The following ADIG variants were observed in gnomAD, a reference collection of about 807,000 sequenced individuals.
ADIG encodes adipogenin.
Under a neutral mutation model 10.7 loss-of-function variants are expected in ADIG, and 12 were observed. The ratio of observed to expected loss-of-function variants is 1.12; its 90% CI spans 0.72 to 1.82. The LOEUF is 1.82. Ranked by LOEUF, ADIG falls within the 40% of genes most tolerant of loss-of-function variation. The pLI, the probability that ADIG is intolerant of heterozygous loss-of-function variation, is 0.00. For missense variants in ADIG, 72 were observed against 92.5 expected, an observed-to-expected ratio of 0.78 and a Z score of 0.91; for synonymous variants, 32 against 35.6, an observed-to-expected ratio of 0.90 and a Z score of 0.36.
intron 2 of ADIG, among the ~76,000 whole-genome samples, chr20:38,586,440 C>T (rs1304675951): frequency 6.6e-6 from 1 of 152,178 alleles, no homozygotes; most frequent in Non-Finnish European, 1.5e-5. Context: ...TCCTGATGGT[C>T]TTTGGCCAGC....
At chr20:38,586,287 G>T (rs556023593) in intron 2 of ADIG, 126 bp downstream of exon 2, 7 of 716,172 alleles carry the variant, frequency 9.8e-6, no homozygotes, top group South Asian at 9.3e-5. Context: ...TGGATGACGG[G>T]TTCTCTCCAG....
In ADIG at chr20:38,582,226, G is replaced by A. The variant is rs183939300; in HGVS notation, c.124+852G>A. On this transcript the variant is annotated intron_variant, in intron 1 of 2. Coordinates refer to ENST00000537425, the MANE Select transcript of ADIG (RefSeq NM_001393816.1). ...GGAGTTTGAGACCAGGCTGGGCAAC[G>A]TCCCTACAAGGAATACAAAAATTAG... 3.4e-4 allele frequency among the ~76,000 whole-genome samples: 51 copies of A among 152,236 alleles called. 1 individual carries two copies. The East Asian group carries it at 8.3e-3, about 25-fold the overall frequency.
At chr20:38,586,232 A>G in intron 2 of ADIG, 71 bp downstream of exon 2, 1 of 1,273,806 alleles carries the variant, frequency 7.9e-7, no homozygotes, top group Non-Finnish European at 1.1e-6. Context: ...CTATGTGGGC[A>G]AGAGGCTGCC....
At chr20:38,588,072 C>T in intron 2 of ADIG, 29 bp from the exon 3 acceptor site, 1 of 1,278,562 alleles carries the variant, frequency 7.8e-7, no homozygotes, top group Non-Finnish European at 1.0e-6. Flanking sequence ...CAATGGCATC[C>T]CTAGTCCCAA....
intron 1 of ADIG, among the ~76,000 whole-genome samples, chr20:38,583,976 C>T (rs952922797): frequency 5.9e-5 from 9 of 152,086 alleles, no homozygotes; most frequent in Non-Finnish European, 1.2e-4. Flanking sequence ...GGTCAGGACA[C>T]CCAGACCTGC....
rs117227436 is a variant in ADIG, at chr20:38,581,890, C to T, written c.124+516C>T. On this transcript the variant is annotated intron_variant, in intron 1 of 2. Coordinates refer to ENST00000537425, the MANE Select transcript of ADIG (RefSeq NM_001393816.1). ...CCTGCAGACCACTCACTGTTTCTGC[C>T]TAAGCCATGTATCAGAAAGGATCTG... Among the ~76,000 whole-genome samples, 115 of 152,322 alleles carry T rather than the reference C, an allele frequency of 7.5e-4. 1 individual carries two copies. The East Asian group carries it at 0.017, about 23-fold the overall frequency.
chr20:38,584,255 C>A (rs2088614961), intron 1 of ADIG, among the ~76,000 whole-genome samples: 1 of 152,178 alleles, frequency 6.6e-6, no homozygotes, highest in African/African-American at 2.4e-5. Context: ...TGATAATGGG[C>A]AGCTCAACTC....
At chr20:38,584,912 G>A (rs529956884) in intron 1 of ADIG, among the ~76,000 whole-genome samples, 98 of 152,244 alleles carry the variant, frequency 6.4e-4, no homozygotes, top group Admixed American at 2.8e-3. Context: ...TGAGCAGCTG[G>A]GACTACAGGT....
At chr20:38,584,532 C>T (rs1178267357) in intron 1 of ADIG, among the ~76,000 whole-genome samples, 1 of 152,168 alleles carries the variant, frequency 6.6e-6, no homozygotes, top group Non-Finnish European at 1.5e-5. Context: ...CCTCTGAGTC[C>T]AAACACACCC....
chr20:38,581,396 G>C (rs1340439796), intron 1 of ADIG, 22 bp downstream of exon 1: 1 of 1,613,722 alleles, frequency 6.2e-7, no homozygotes. Flanking sequence ...ACCCCGTCCA[G>C]GCAGGACCCT....
At chr20:38,583,942 A>G (rs1378743172) in intron 1 of ADIG, among the ~76,000 whole-genome samples, 3 of 152,084 alleles carry the variant, frequency 2.0e-5, no homozygotes, top group Admixed American at 2.0e-4. Flanking sequence ...AACTGACCCA[A>G]TGTCAGGGTT....
In ADIG at chr20:38,586,109, A is replaced by T; in HGVS notation, c.205A>T (p.Thr69Ser). ...KGPAEFCWKGTLHGQEKERPC... is the reference protein window; with the variant it reads ...KGPAEFCWKGSLHGQEKERPC... ...CCCAGCTGAGTTTTGCTGGAAGGGGACACTCCACGGCCAAGAGAAGGAGAG... is the reference window on the plus strand; with the variant it reads ...CCCAGCTGAGTTTTGCTGGAAGGGGTCACTCCACGGCCAAGAGAAGGAGAG... The change falls in exon 2 of 3, where the codon ACA becomes TCA. Residue 69 changes from threonine to serine, a missense_variant. Coordinates refer to ENST00000537425, the MANE Select transcript of ADIG (RefSeq NM_001393816.1). 3 of 1,606,176 alleles carry T rather than the reference A, an allele frequency of 1.9e-6. No individual in the cohort carries two copies. Among genetic ancestry groups the T allele is most frequent in the Non-Finnish European group, 2.6e-6 (3 of 1,176,468 alleles).
intron 1 of ADIG, 127 bp downstream of exon 1, chr20:38,581,501 T>C: frequency 1.5e-6 from 2 of 1,363,262 alleles, no homozygotes; most frequent in Non-Finnish European, 2.0e-6. Context: ...CTCGCTTAGA[T>C]ACAAGCAGTC....
At chr20:38,583,570 G>T (rs2088607357) in intron 1 of ADIG, among the ~76,000 whole-genome samples, 2 of 152,252 alleles carry the variant, frequency 1.3e-5, no homozygotes, top group Non-Finnish European at 2.9e-5. Flanking sequence ...AAATAGTCCA[G>T]CCAATGCTGG....
In ADIG at chr20:38,588,412, A is replaced by G. The variant is rs1447775572; in HGVS notation, c.*326A>G. The G allele has an allele frequency of 3.3e-6, 4 of 1,227,816 alleles. No individual in the cohort carries two copies. The highest frequency in any genetic ancestry group is 3.2e-5 in the Admixed American group (1 of 31,720). The allele number at this position is 1,227,816 out of a possible 1,614,324, so 76.1% of individuals were successfully genotyped here. On this transcript the variant is annotated 3_prime_UTR_variant, in exon 3 of 3. Coordinates refer to ENST00000537425, the MANE Select transcript of ADIG (RefSeq NM_001393816.1). Reference sequence around the variant, plus strand: ...GGGCTGGGCCGGAGGGTGTGGGTCCATATTAAAGAAGCAAGGGTCTTCCCA... The same window carrying G: ...GGGCTGGGCCGGAGGGTGTGGGTCCGTATTAAAGAAGCAAGGGTCTTCCCA...
At position 38,586,015 on chromosome 20, in the gene ADIG, T is replaced by G. The variant is rs1267806698; in HGVS notation, c.125-14T>G. The G allele has an allele frequency of 6.3e-7, 1 of 1,591,162 alleles. No homozygotes were observed. The highest frequency in any genetic ancestry group is 1.8e-5 in the Admixed American group (1 of 56,492). ...ATGTGACCATCCAAGAGGCCTTGCC[T>G]CGTATCTCCACAGATTCAGAGGAAA... On this transcript the variant is annotated splice_polypyrimidine_tract_variant and intron_variant, in intron 1 of 2. Coordinates refer to ENST00000537425, the MANE Select transcript of ADIG (RefSeq NM_001393816.1).
chr20:38,588,230 C>A lies in ADIG; in HGVS notation c.*144C>A, dbSNP rs1346082877. On this transcript the variant is annotated 3_prime_UTR_variant, in exon 3 of 3. Coordinates refer to ENST00000537425, the MANE Select transcript of ADIG (RefSeq NM_001393816.1). ...ACCCCCAACTCATCTCCTCTTCAGA[C>A]CGACATGTGAAAGCCTCCAGAGGTC... The A allele has an allele frequency of 3.1e-6, 4 of 1,304,378 alleles. No homozygotes were observed. The highest frequency in any genetic ancestry group is 1.5e-5 in the African/African-American group (1 of 65,852). 80.8% of individuals were successfully genotyped at this position (1,304,378 alleles called of 1,614,324 possible). A position where few individuals can be genotyped will look rare whatever the true frequency, so the allele number is the denominator to read the frequency against.
intron 2 of ADIG, among the ~76,000 whole-genome samples, chr20:38,586,530 C>T (rs1263888925): frequency 6.6e-6 from 1 of 152,186 alleles, no homozygotes; most frequent in African/African-American, 2.4e-5. Flanking sequence ...CAGAGTCCCA[C>T]TGGCCACCCT....
chr20:38,586,082 G>C lies in ADIG; in HGVS notation c.178G>C (p.Gly60Arg). Reference sequence around the variant, plus strand: ...CTTGGATTGGGAGCCCTGGAGCAAAGGCCCAGCTGAGTTTTGCTGGAAGGG... The same window carrying C: ...CTTGGATTGGGAGCCCTGGAGCAAACGCCCAGCTGAGTTTTGCTGGAAGGG... ...VCLDWEPWSKGPAEFCWKGTL... is the reference protein window; with the variant it reads ...VCLDWEPWSKRPAEFCWKGTL... Residue 60 changes from glycine to arginine, a missense_variant, in exon 2 of 3, where the codon GGC becomes CGC. Physicochemically the swap from Gly to Arg is moderately radical, Grantham distance 125 (BLOSUM62 -2). Transcript: ENST00000537425. 6.2e-7 allele frequency: 1 copy of C among 1,610,964 alleles called. No homozygotes were observed. The highest frequency in any genetic ancestry group is 1.1e-5 in the South Asian group (1 of 90,006).
Sources: gnomAD v4.1 joint callset for allele counts (sites outside exome capture counted in the v4.1 genomes callset) on GRCh38, gnomAD v4.1.1 for gene constraint, MANE v1.5 for transcripts, NCBI Gene and HGNC (gene_info 2026-07-23, HGNC 2026-07-21) for gene names.